Variants in PDILT observed in about 807,000 individuals in gnomAD.
PDILT encodes the protein protein disulfide isomerase like, testis expressed.
Under a neutral mutation model 53.7 loss-of-function variants are expected in PDILT, and 43 were observed. That is an observed-to-expected ratio of 0.80 (90% CI 0.63 to 1.03). The LOEUF (loss-of-function observed/expected upper bound fraction) is 1.03, where lower values mean the gene tolerates loss of function less well. PDILT is among the 50% of genes least tolerant of loss of function. The pLI is 0.00. For missense variants in PDILT, 727 were observed against 712.3 expected (o/e 1.02, Z -0.24); for synonymous variants, 282 against 274.2 (o/e 1.03, Z -0.28).
Position 20,374,608 on chromosome 16 carries a change from A to C in PDILT, c.681+214T>G, listed in dbSNP as rs185128245. On this transcript the variant is annotated intron_variant, in intron 5 of 11. Coordinates refer to ENST00000302451, the MANE Select transcript of PDILT (RefSeq NM_174924.2). ...AGGGCATAGGATTGAGCCTTGATGA[A>C]CTGCATTTACTAGTTAAGTAAAGAG... 1.2e-4 allele frequency among the ~76,000 whole-genome samples: 18 copies of C among 152,274 alleles called. No homozygotes were observed. The East Asian group carries it at 3.1e-3, about 26-fold the overall frequency.
chr16:20,394,622 G>A (rs563279730), intron 2 of PDILT, among the ~76,000 whole-genome samples: 1 of 152,344 alleles, frequency 6.6e-6, no homozygotes, highest in African/African-American at 2.4e-5. Flanking sequence ...CCGATTCAGT[G>A]CTTCTAGGAT....
intron 1 of PDILT, among the ~76,000 whole-genome samples, chr16:20,402,987 C>A (rs1423373337): frequency 6.6e-6 from 1 of 152,236 alleles, no homozygotes; most frequent in Non-Finnish European, 1.5e-5. Flanking sequence ...TCAGCTCCAA[C>A]ATCAGCTCCC....
At chr16:20,401,063 T>A (rs1966734442) in intron 1 of PDILT, among the ~76,000 whole-genome samples, 1 of 152,160 alleles carries the variant, frequency 6.6e-6, no homozygotes. Flanking sequence ...CATGGTCAAA[T>A]GAAACCAACA....
Position 20,374,938 on chromosome 16 carries a change from C to T in PDILT, c.565G>A (p.Glu189Lys). ...FFQDLEEEVA[E>K]LFYDVIKDFP... ...TCTTTGATCACATCATAGAACAACTCTGCTACTTCTTCCTCTAAATCCTAT... is the reference window on the plus strand; with the variant it reads ...TCTTTGATCACATCATAGAACAACTTTGCTACTTCTTCCTCTAAATCCTAT... The change falls in exon 5 of 12, where the codon GAG becomes AAG. Residue 189 changes from glutamate to lysine, a missense_variant. By Grantham distance (56) the Glu-to-Lys change is moderately conservative. Transcript: ENST00000302451. 6.2e-7 allele frequency: 1 copy of T among 1,610,830 alleles called. No individual in the cohort carries two copies. Among genetic ancestry groups the T allele is most frequent in the Non-Finnish European group, 8.5e-7 (1 of 1,178,340 alleles).
At chr16:20,373,334 T>G (rs1050806257) in intron 5 of PDILT, among the ~76,000 whole-genome samples, 1 of 152,128 alleles carries the variant, frequency 6.6e-6, no homozygotes, top group African/African-American at 2.4e-5. Context: ...CATGAAAATC[T>G]CAGATCTACG....
At chr16:20,382,572 C>T (rs1966475491) in intron 3 of PDILT, among the ~76,000 whole-genome samples, 1 of 152,172 alleles carries the variant, frequency 6.6e-6, no homozygotes, top group South Asian at 2.1e-4. Flanking sequence ...GTTATTCTAC[C>T]TTTCTGTGCC....
intron 2 of PDILT, 149 bp from the exon 3 acceptor site, chr16:20,385,000 G>T: frequency 1.4e-6 from 1 of 740,458 alleles, no homozygotes; most frequent in Non-Finnish European, 2.3e-6. Context: ...CAAGATGTGA[G>T]ACACAATGGT....
chr16:20,395,385 G>A (rs1966650300), intron 2 of PDILT, among the ~76,000 whole-genome samples: 1 of 152,146 alleles, frequency 6.6e-6, no homozygotes, highest in African/African-American at 2.4e-5. Flanking sequence ...TCCCTTTGTT[G>A]TTTGCCCATC....
chr16:20,375,876 A>G (rs78947827), intron 4 of PDILT, among the ~76,000 whole-genome samples, 192 bp downstream of exon 4: 4,766 of 152,326 alleles, frequency 0.031, 255 homozygotes, highest in African/African-American at 0.11. Flanking sequence ...AACCCATTAA[A>G]TACAGATGCC....
chr16:20,365,307 T>A, intron 9 of PDILT, 113 bp downstream of exon 9: 1 of 1,205,176 alleles, frequency 8.3e-7, no homozygotes, highest in Non-Finnish European at 1.2e-6. Flanking sequence ...AGACCATCCT[T>A]GGCATGGTGC....
At chr16:20,360,843 T>C (rs2141696770) in intron 10 of PDILT, among the ~76,000 whole-genome samples, 186 bp from the exon 11 acceptor site, 1 of 152,302 alleles carries the variant, frequency 6.6e-6, no homozygotes, top group East Asian at 1.9e-4. Flanking sequence ...GCTTCTGACA[T>C]AGGGTTGTTA....
chr16:20,393,619 C>T (rs1966630517), intron 2 of PDILT, among the ~76,000 whole-genome samples: 1 of 152,198 alleles, frequency 6.6e-6, no homozygotes. Context: ...CCCCAAATTT[C>T]CTCATTTAAG....
intron 9 of PDILT, 56 bp from the exon 10 acceptor site, chr16:20,362,638 C>T (rs746587854): frequency 4.7e-5 from 73 of 1,563,738 alleles, no homozygotes; most frequent in South Asian, 4.6e-5. Context: ...AGAAAGCTGG[C>T]GCCACCCTAC....
chr16:20,373,263 G>A, intron 5 of PDILT, 141 bp from the exon 6 acceptor site: 1 of 701,284 alleles, frequency 1.4e-6, no homozygotes, highest in Non-Finnish European at 2.4e-6. Context: ...AATCTAGGTA[G>A]TTAATAACTA....
intron 4 of PDILT, 53 bp downstream of exon 4, chr16:20,376,015 A>G (rs1966380425): frequency 8.1e-6 from 13 of 1,605,226 alleles, no homozygotes; most frequent in East Asian, 2.2e-5. Context: ...CCCCTCCCAG[A>G]CACAGCACTT....
chr16:20,361,611 C>A (rs144265809), intron 10 of PDILT, among the ~76,000 whole-genome samples: 2 of 152,146 alleles, frequency 1.3e-5, no homozygotes, highest in Non-Finnish European at 2.9e-5. Flanking sequence ...CACAACTCCC[C>A]GACATGCATC....
intron 1 of PDILT, among the ~76,000 whole-genome samples, chr16:20,400,816 A>T (rs1966730815): frequency 6.6e-6 from 1 of 152,196 alleles, no homozygotes; most frequent in South Asian, 2.1e-4. Context: ...TTTAAAAGGT[A>T]AGGATTTTTC....
rs113455637 is a variant in PDILT at position 20,392,143 on chromosome 16, G to A, written c.202+6956C>T. 6.7e-3 allele frequency among the ~76,000 whole-genome samples: 1,015 copies of A among 152,210 alleles called. 11 individuals carry two copies. The highest frequency in any genetic ancestry group is 0.023 in the African/African-American group (974 of 41,522). ...GGATGGGGAGAACAGAGATTGCAAA[G>A]GGATTTAGAAAGTGGCATCCACAGG... On this transcript the variant is annotated intron_variant, in intron 2 of 11. Transcript: ENST00000302451.
At chr16:20,374,618 C>T (rs938050330) in intron 5 of PDILT, among the ~76,000 whole-genome samples, 5 of 152,132 alleles carry the variant, frequency 3.3e-5, no homozygotes, top group African/African-American at 1.2e-4. Flanking sequence ...ACTGCATTTA[C>T]TAGTTAAGTA....
Sources: allele counts gnomAD v4.1 joint callset (sites outside exome capture counted in the v4.1 genomes callset), GRCh38; gene constraint gnomAD v4.1.1; transcripts MANE v1.5; gene names NCBI Gene and HGNC (gene_info 2026-07-23, HGNC 2026-07-21).